GTF2E2: variants seen among roughly 807,000 people sequenced by gnomAD.
The protein encoded by GTF2E2 is transcription initiation factor IIE subunit beta.
A neutral mutation model predicts 40.5 loss-of-function variants in GTF2E2; 21 were observed. That is an observed-to-expected ratio of 0.52 (90% confidence interval 0.37 to 0.75). The LOEUF (loss-of-function observed/expected upper bound fraction) is 0.75, where lower values mean the gene tolerates loss of function less well. Ranked by LOEUF, GTF2E2 falls within the 30% of genes least tolerant of loss-of-function variation. The probability of loss-of-function intolerance (pLI) is 0.00; values close to 1 mark genes in which losing one functional copy is unlikely to be tolerated. For synonymous variants in GTF2E2, 117 were observed against 121.6 expected (o/e 0.96, Z 0.25); for missense variants, 298 against 338.4 (o/e 0.88, Z 0.94).
At chr8:30,656,122 A>G (rs568652772) in intron 1 of GTF2E2, among the ~76,000 whole-genome samples, 3 of 152,194 alleles carry the variant, frequency 2.0e-5, no homozygotes, top group Non-Finnish European at 4.4e-5. Flanking sequence ...CCTCAGTTTC[A>G]ATTCCTAAAG....
At chr8:30,582,592 C>A (rs1828543637) in intron 6 of GTF2E2, among the ~76,000 whole-genome samples, 1 of 152,246 alleles carries the variant, frequency 6.6e-6, no homozygotes, top group Non-Finnish European at 1.5e-5. Context: ...CCTGTCACAT[C>A]TCTTTGGTCT....
intron 1 of GTF2E2, chr8:30,656,993 C>G (rs1802469445): frequency 1.3e-5 from 2 of 152,036 alleles, no homozygotes; most frequent in Admixed American, 1.3e-4. Flanking sequence ...GGCCAGGAAC[C>G]AAACCTCCTG....
intron 6 of GTF2E2, among the ~76,000 whole-genome samples, chr8:30,589,932 CTACTT>C (rs959266019): frequency 1.3e-5 from 2 of 152,228 alleles, no homozygotes; most frequent in Admixed American, 6.5e-5. Flanking sequence ...TTTTGAACAA[CTACTT>C]TAAATTGTCC....
At chr8:30,655,427 TG>T in intron 1 of GTF2E2, among the ~76,000 whole-genome samples, 1 of 96,960 alleles carries the variant, frequency 1.0e-5, no homozygotes, top group Non-Finnish European at 2.4e-5. Flanking sequence ...ACTATATAAA[TG>T]AATTTGACAC....
chr8:30,621,983 T>TTA (rs1801116966), intron 3 of GTF2E2, among the ~76,000 whole-genome samples: 2 of 151,622 alleles, frequency 1.3e-5, no homozygotes, highest in African/African-American at 4.9e-5. Context: ...TATATATTTT[T>TTA]TTATTATACT....
chr8:30,609,487 T>TA (rs957862202), intron 5 of GTF2E2, among the ~76,000 whole-genome samples: 3 of 151,812 alleles, frequency 2.0e-5, no homozygotes, highest in Non-Finnish European at 4.4e-5. Context: ...AAGGCATTGC[T>TA]AAAAAAAATT....
intron 6 of GTF2E2, among the ~76,000 whole-genome samples, chr8:30,590,588 C>A (rs1585938797): frequency 6.6e-6 from 1 of 152,214 alleles, no homozygotes; most frequent in East Asian, 1.9e-4. Context: ...GAGGAAAAAA[C>A]AGAGGTAAAT....
rs1828518790 is a variant in GTF2E2 at position 30,581,707 on chromosome 8, A to G, written c.644-1311T>C. Among the ~76,000 whole-genome samples, 3 of 152,222 alleles carry G rather than the reference A, an allele frequency of 2.0e-5. No homozygotes were observed. The South Asian group carries it at 6.2e-4, about 31-fold the overall frequency. On this transcript the variant is annotated intron_variant, in intron 6 of 7. Coordinates refer to ENST00000355904, the MANE Select transcript of GTF2E2 (RefSeq NM_002095.6). ...CACTGAACGTTCATCTGCACACATT[A>G]TGGACATGACCTAACTGATAACAAC... is the stretch of plus-strand genomic sequence containing the variant.
chr8:30,596,981 G>C (rs62505282), intron 6 of GTF2E2: 1 of 152,494 alleles, frequency 6.6e-6, no homozygotes, highest in African/African-American at 2.4e-5. Flanking sequence ...CTTTTACGCT[G>C]CATCTGAGCT....
At chr8:30,652,633 G>A (rs556242371) in intron 2 of GTF2E2, among the ~76,000 whole-genome samples, 1 of 151,820 alleles carries the variant, frequency 6.6e-6, no homozygotes, top group East Asian at 1.9e-4. Flanking sequence ...AATATAAAAT[G>A]GTACAGCTAT....
chr8:30,655,474 C>T (rs1455519110), intron 1 of GTF2E2, among the ~76,000 whole-genome samples: 1 of 152,170 alleles, frequency 6.6e-6, no homozygotes, highest in African/African-American at 2.4e-5. Flanking sequence ...GAAAAAGACT[C>T]ATACTTTGAA....
intron 3 of GTF2E2, 37 bp downstream of exon 3, chr8:30,634,995 T>C: frequency 8.6e-7 from 1 of 1,166,914 alleles, no homozygotes; most frequent in Non-Finnish European, 1.3e-6. Flanking sequence ...TGCCAAAAAG[T>C]TAAATAGGAC....
intron 2 of GTF2E2, among the ~76,000 whole-genome samples, chr8:30,641,400 T>A (rs1413825034): frequency 6.6e-6 from 1 of 152,178 alleles, no homozygotes; most frequent in African/African-American, 2.4e-5. Context: ...TCTCACTCTA[T>A]CACCCAGGCG....
At chr8:30,599,631 G>C (rs1563480353) in intron 6 of GTF2E2, among the ~76,000 whole-genome samples, 1 of 150,506 alleles carries the variant, frequency 6.6e-6, no homozygotes, top group African/African-American at 2.4e-5. Context: ...CCTGGAAATG[G>C]GCCAGAAAAA....
rs780037889 is a variant in GTF2E2 at position 30,580,357 on chromosome 8, A to G, written c.683T>C (p.Met228Thr). 1.7e-5 allele frequency: 27 copies of G among 1,607,938 alleles called. No individual in the cohort carries two copies. The South Asian group carries it at 3.0e-4, about 18-fold the overall frequency. Residue 228 changes from methionine to threonine, a missense_variant, in exon 7 of 8, where the codon ATG becomes ACG. Coordinates refer to ENST00000355904, the MANE Select transcript of GTF2E2 (RefSeq NM_002095.6). ...KLWRSVTVDS[M>T]DEEKIEEYLK... ...ATATTCTTCAATTTTCTCCTCGTCC[A>G]TGGAATCTACAGTGACACTCCTCCA...
In GTF2E2 at chr8:30,587,482, AAT is replaced by A. The variant is rs1491019677; in HGVS notation, c.644-7088_644-7087del. Among the ~76,000 whole-genome samples the A allele has an allele frequency of 1.2e-3, 178 of 151,880 alleles. 2 individuals are homozygous for A. The East Asian group carries it at 0.021, about 18-fold the overall frequency. ...CTCAAAATAATAGCAAAAAAAAAAA[AAT>A]AACCTGATTTAAAAATTGGCAAAAG... On this transcript the variant is annotated intron_variant, in intron 6 of 7. Transcript: ENST00000355904.
rs1423432080 is a variant in GTF2E2 at position 30,621,976 on chromosome 8, A to AT, written c.259-7262dup. On this transcript the variant is annotated intron_variant, in intron 3 of 7. Coordinates refer to ENST00000355904, the MANE Select transcript of GTF2E2 (RefSeq NM_002095.6). The stretch of plus-strand genomic sequence containing the variant: ...ATCTAGGGGGTTCTTATATATATAT[A>AT]TATTTTTTTATTATACTTTAAAGTT... Among the ~76,000 whole-genome samples the AT allele has an allele frequency of 9.8e-4, 109 of 111,666 alleles. 1 individual carries two copies. Among genetic ancestry groups the AT allele is most frequent in the African/African-American group, 4.7e-3 (97 of 20,794 alleles). The allele number at this position is 111,666 out of a possible 152,430, so 73.3% of individuals were successfully genotyped here.
chr8:30,609,241 G>A (rs1048524388), intron 5 of GTF2E2, among the ~76,000 whole-genome samples: 1 of 145,040 alleles, frequency 6.9e-6, no homozygotes, highest in Non-Finnish European at 1.5e-5. Context: ...ACACCAGCCA[G>A]GGCAACAGAA....
At chr8:30,603,404 T>G (rs1829236456) in intron 6 of GTF2E2, among the ~76,000 whole-genome samples, 1 of 152,066 alleles carries the variant, frequency 6.6e-6, no homozygotes, top group Non-Finnish European at 1.5e-5. Flanking sequence ...AAGGAAATAC[T>G]TAAAACAACA....
Sources: gnomAD v4.1 joint callset for allele counts (sites outside exome capture counted in the v4.1 genomes callset) on GRCh38, gnomAD v4.1.1 for gene constraint, MANE v1.5 for transcripts, NCBI Gene and HGNC (gene_info 2026-07-23, HGNC 2026-07-21) for gene names.